The following IMMP2L variants were observed in gnomAD, a reference collection of about 807,000 sequenced individuals.
IMMP2L encodes mitochondrial inner membrane protease subunit 2.
In IMMP2L, 18 loss-of-function variants were observed where a neutral mutation model predicts 19.3. The observed-to-expected ratio is 0.93, with a 90% CI of 0.64 to 1.38. The LOEUF (loss-of-function observed/expected upper bound fraction) is 1.38. Ranked by LOEUF, IMMP2L falls within the 40% of genes most tolerant of loss-of-function variation. IMMP2L has a pLI of 0.00. For synonymous variants in IMMP2L, 76 were observed against 73.0 expected (o/e 1.04, Z -0.21); for missense variants, 233 against 218.2 (o/e 1.07, Z -0.43).
intron 2 of IMMP2L, among the ~76,000 whole-genome samples, chr7:111,509,764 G>C (rs1845272549): frequency 6.6e-6 from 1 of 151,976 alleles, no homozygotes; most frequent in South Asian, 2.1e-4. Context: ...TTGTCAAGAA[G>C]CTAAAAACTT....
At chr7:110,826,079 T>A (rs1210394790) in intron 5 of IMMP2L, among the ~76,000 whole-genome samples, 1 of 152,018 alleles carries the variant, frequency 6.6e-6, no homozygotes, top group Non-Finnish European at 1.5e-5. Flanking sequence ...AACAGACACA[T>A]GAAAAAATGC....
Position 111,539,196 on chromosome 7 carries a change from GAGAAAGAAAGAAAGAAAGAAAGAA to G in IMMP2L, c.-2-17771_-2-17748del, listed in dbSNP as rs56749626. 8.1e-3 allele frequency among the ~76,000 whole-genome samples: 244 copies of G among 30,040 alleles called. 6 individuals are homozygous for G. Among genetic ancestry groups the G allele is most frequent in the South Asian group, 0.023 (18 of 794 alleles). The allele number at this position is 30,040 out of a possible 152,430, so 19.7% of individuals were successfully genotyped here. ...GGAAGGAAGGAAGGAAGGAAGGAGG[GAGAAAGAAAGAAAGAAAGAAAGAA>G]AGAAAGAAAGAAAGAAAGAAAGAAA... On this transcript the variant is annotated intron_variant, in intron 1 of 5. Coordinates refer to ENST00000405709, the MANE Select transcript of IMMP2L (RefSeq NM_032549.4).
chr7:110,826,604 G>A (rs778600663), intron 5 of IMMP2L, among the ~76,000 whole-genome samples: 8 of 152,048 alleles, frequency 5.3e-5, no homozygotes, highest in Middle Eastern at 3.4e-3. Context: ...ACCAAACACC[G>A]CAGGTTCTCA....
chr7:110,762,302 T>C (rs1183902992), intron 5 of IMMP2L, among the ~76,000 whole-genome samples: 1 of 152,122 alleles, frequency 6.6e-6, no homozygotes, highest in African/African-American at 2.4e-5. Context: ...ATAAAATACT[T>C]GAATTATAAC....
At chr7:110,879,884 T>C (rs1809468712) in intron 5 of IMMP2L, among the ~76,000 whole-genome samples, 1 of 152,180 alleles carries the variant, frequency 6.6e-6, no homozygotes, top group Admixed American at 6.6e-5. Flanking sequence ...TGTTTCTTTA[T>C]TGAATATACT....
In IMMP2L at chr7:110,979,470, T is replaced by C. The variant is rs74830841; in HGVS notation, c.240-15905A>G. On this transcript the variant is annotated intron_variant, in intron 3 of 5. Transcript: ENST00000405709. Reference sequence around the variant, plus strand: ...GTCTATCATTACTAGTTTTTCCTATTCTTAACTCCCAATAGAATGAGAACT... The same window carrying C: ...GTCTATCATTACTAGTTTTTCCTATCCTTAACTCCCAATAGAATGAGAACT... Among the ~76,000 whole-genome samples, 676 of 152,204 alleles carry C rather than the reference T, an allele frequency of 4.4e-3. 40 individuals are homozygous for C. The East Asian group carries it at 0.093, about 21-fold the overall frequency.
At chr7:110,776,174 T>A (rs549046040) in intron 5 of IMMP2L, among the ~76,000 whole-genome samples, 2 of 151,328 alleles carry the variant, frequency 1.3e-5, no homozygotes, top group Admixed American at 1.3e-4. Context: ...TAATTCCCAC[T>A]CCAGGGCAGT....
intron 4 of IMMP2L, among the ~76,000 whole-genome samples, chr7:110,951,660 A>G (rs981478192): frequency 3.3e-5 from 5 of 151,990 alleles, no homozygotes; most frequent in African/African-American, 1.2e-4. Context: ...TCAGAAATCA[A>G]TAACTTTGCC....
At chr7:111,111,955 T>TG (rs1799278048) in intron 3 of IMMP2L, among the ~76,000 whole-genome samples, 1 of 135,408 alleles carries the variant, frequency 7.4e-6, no homozygotes, top group Non-Finnish European at 1.6e-5. Flanking sequence ...TTTTTTTTTT[T>TG]TTTTTTTTTT....
At chr7:111,394,822 A>G in intron 3 of IMMP2L, 1 of 219,782 alleles carries the variant, frequency 4.5e-6, no homozygotes, top group Non-Finnish European at 9.8e-6. Context: ...TTTTTTGTAT[A>G]TTTGTAAAAT....
chr7:110,928,510 A>C, intron 4 of IMMP2L, among the ~76,000 whole-genome samples: 1 of 150,794 alleles, frequency 6.6e-6, no homozygotes. Flanking sequence ...GATTTTTAAA[A>C]GTTCAGTGTA....
intron 5 of IMMP2L, among the ~76,000 whole-genome samples, chr7:110,688,586 TAA>T (rs958538599): frequency 2.0e-5 from 3 of 151,748 alleles, no homozygotes; most frequent in African/African-American, 7.3e-5. Flanking sequence ...CAAAGAAACA[TAA>T]GTTAAAAAAA....
In IMMP2L at chr7:110,758,400, C is replaced by T. The variant is rs1798156699; in HGVS notation, c.409-94679G>A. Among the ~76,000 whole-genome samples the T allele has an allele frequency of 6.6e-6, 1 of 152,006 alleles. No individual in the cohort carries two copies. The highest frequency in any genetic ancestry group is 6.6e-5 in the Admixed American group (1 of 15,228). ...AGATTTTAAAAAATATATAGGATAA[C>T]AAACAGCACGTTAGTATGCTATTGG... On this transcript the variant is annotated intron_variant, in intron 5 of 5. Coordinates refer to ENST00000405709, the MANE Select transcript of IMMP2L (RefSeq NM_032549.4). The surrounding 1 kb of genome is among the most constrained non-coding windows in gnomAD (Gnocchi z 4.6).
intron 4 of IMMP2L, among the ~76,000 whole-genome samples, chr7:110,957,637 C>A (rs1388801271): frequency 3.3e-5 from 5 of 151,998 alleles, no homozygotes; most frequent in Non-Finnish European, 7.4e-5. Context: ...CAGTTTCCCT[C>A]CTTCAGTAAA....
chr7:111,243,678 C>A, intron 3 of IMMP2L, among the ~76,000 whole-genome samples: 1 of 103,320 alleles, frequency 9.7e-6, no homozygotes. Context: ...CCCCCGACCC[C>A]ACCACAGTCC....
intron 3 of IMMP2L, among the ~76,000 whole-genome samples, chr7:111,399,243 CAT>C (rs1833192334): frequency 6.6e-6 from 1 of 152,080 alleles, no homozygotes; most frequent in South Asian, 2.1e-4. Context: ...ACTGTAAGGC[CAT>C]AGTCATCAAA....
intron 3 of IMMP2L, among the ~76,000 whole-genome samples, chr7:111,436,537 A>C (rs997086051): frequency 4.0e-5 from 6 of 151,614 alleles, no homozygotes; most frequent in African/African-American, 1.5e-4. Flanking sequence ...ACACACACAC[A>C]CACCCCACAC....
At chr7:110,667,011 A>G (rs1051689166) in intron 5 of IMMP2L, among the ~76,000 whole-genome samples, 3 of 152,102 alleles carry the variant, frequency 2.0e-5, no homozygotes, top group African/African-American at 7.2e-5. Context: ...AGCTGGGACT[A>G]CGGGCACCAG....
chr7:110,884,871 A>C (rs1174862234), intron 5 of IMMP2L, among the ~76,000 whole-genome samples: 4 of 152,080 alleles, frequency 2.6e-5, no homozygotes, highest in Non-Finnish European at 4.4e-5. Flanking sequence ...AAAAAAAAGA[A>C]GTAGGAGTAG....
Sources: allele counts gnomAD v4.1 joint callset (sites outside exome capture counted in the v4.1 genomes callset), GRCh38; gene constraint gnomAD v4.1.1; non-coding constraint Gnocchi (gnomAD v3.1); transcripts MANE v1.5; gene names NCBI Gene and HGNC (gene_info 2026-07-23, HGNC 2026-07-21).